CFTR: variants seen among roughly 807,000 people sequenced by gnomAD.
The protein encoded by CFTR is cystic fibrosis transmembrane conductance regulator.
CFTR carries 181 observed loss-of-function variants against 171.6 expected under a neutral mutation model. The observed-to-expected ratio is 1.05, with a 90% CI of 0.93 to 1.19. The LOEUF (loss-of-function observed/expected upper bound fraction) is 1.19. CFTR is among the 50% of genes most tolerant of loss of function. The pLI, the probability that CFTR is intolerant of heterozygous loss-of-function variation, is 0.00. For synonymous variants in CFTR, 583 were observed against 608.0 expected (o/e 0.96, Z 0.60); for missense variants, 1,968 against 1,734.7 (o/e 1.13, Z -2.39).
intron 22 of CFTR, among the ~76,000 whole-genome samples, chr7:117,637,968 T>C (rs1052909329): frequency 6.6e-6 from 1 of 152,176 alleles, no homozygotes; most frequent in Non-Finnish European, 1.5e-5. Context: ...AAGCATCCTA[T>C]AGGCAAAATT....
At chr7:117,547,760 A>G (rs1217849408) in intron 9 of CFTR, among the ~76,000 whole-genome samples, 1 of 152,160 alleles carries the variant, frequency 6.6e-6, no homozygotes, top group Admixed American at 6.5e-5. Context: ...CAGAAAGTGC[A>G]ACGTAGTGAG....
At chr7:117,537,098 AT>A (rs1394853882) in intron 7 of CFTR, among the ~76,000 whole-genome samples, 3 of 152,164 alleles carry the variant, frequency 2.0e-5, no homozygotes, top group Non-Finnish European at 2.9e-5. Flanking sequence ...CATGAAAAAA[AT>A]TGTATTTGGT....
At chr7:117,650,178 T>C (rs980404168) in intron 23 of CFTR, among the ~76,000 whole-genome samples, 4 of 152,162 alleles carry the variant, frequency 2.6e-5, no homozygotes, top group Non-Finnish European at 5.9e-5. Flanking sequence ...ATTTCTGTTG[T>C]AGTGAATTGC....
At chr7:117,514,105 G>A (rs2237724) in intron 3 of CFTR, among the ~76,000 whole-genome samples, 35,753 of 152,064 alleles carry the variant, frequency 0.24, 4,491 homozygotes, top group East Asian at 0.42. Flanking sequence ...TTAATGATTT[G>A]ACTTTTGCTA....
At chr7:117,492,727 G>A (rs896299108) in intron 1 of CFTR, among the ~76,000 whole-genome samples, 6 of 151,940 alleles carry the variant, frequency 3.9e-5, no homozygotes, top group South Asian at 4.1e-4. Context: ...AACATGGGGC[G>A]TTGGCAGACA....
chr7:117,492,754 G>A (rs1409623163), intron 1 of CFTR, among the ~76,000 whole-genome samples: 1 of 151,980 alleles, frequency 6.6e-6, no homozygotes, highest in Non-Finnish European at 1.5e-5. Context: ...TACACATTTT[G>A]TGGTAAAGGC....
chr7:117,539,936 A>T (rs1230716992), intron 7 of CFTR, among the ~76,000 whole-genome samples, 164 bp from the exon 8 acceptor site: 2 of 152,102 alleles, frequency 1.3e-5, no homozygotes, highest in Non-Finnish European at 2.9e-5. Context: ...GCCCAGAGAG[A>T]TTAAATAACA....
At chr7:117,508,076 A>G (rs1798450046) in intron 2 of CFTR, among the ~76,000 whole-genome samples, 2 of 152,160 alleles carry the variant, frequency 1.3e-5, no homozygotes, top group Admixed American at 1.3e-4. Context: ...GCCCCGGCCT[A>G]TTACTCCTTT....
chr7:117,522,157 A>G (rs1456279082), intron 3 of CFTR, among the ~76,000 whole-genome samples: 1 of 152,156 alleles, frequency 6.6e-6, no homozygotes, highest in Non-Finnish European at 1.5e-5. Context: ...GAGCCCCTCT[A>G]CCCAGATGAT....
At chr7:117,540,836 G>C (rs576526437) in intron 8 of CFTR, among the ~76,000 whole-genome samples, 3 of 152,180 alleles carry the variant, frequency 2.0e-5, no homozygotes, top group Admixed American at 1.3e-4. Context: ...GGTTGCAAAT[G>C]GTGTCCCATA....
intron 3 of CFTR, among the ~76,000 whole-genome samples, chr7:117,522,038 A>G (rs1798692729): frequency 6.6e-6 from 1 of 152,198 alleles, no homozygotes; most frequent in Admixed American, 6.6e-5. Context: ...CTCCTAGAAG[A>G]TATAGGAGAC....
chr7:117,523,777 G>A (rs919410365), intron 3 of CFTR, among the ~76,000 whole-genome samples: 1 of 152,150 alleles, frequency 6.6e-6, no homozygotes, highest in South Asian at 2.1e-4. Flanking sequence ...CAGCAAATAA[G>A]TCTGTTGTGG....
chr7:117,519,857 G>T (rs1057085322), intron 3 of CFTR, among the ~76,000 whole-genome samples: 4 of 151,778 alleles, frequency 2.6e-5, no homozygotes, highest in East Asian at 1.9e-4. Flanking sequence ...ACTATAAAAG[G>T]TCCTTCAGTA....
chr7:117,531,279 C>A (rs1176393229), intron 4 of CFTR, among the ~76,000 whole-genome samples, 165 bp downstream of exon 4: 5 of 151,666 alleles, frequency 3.3e-5, no homozygotes, highest in African/African-American at 1.2e-4. Flanking sequence ...CTTAATTATC[C>A]TTGATAATTT....
chr7:117,632,638 A>T (rs567407951), intron 22 of CFTR, among the ~76,000 whole-genome samples: 41 of 152,256 alleles, frequency 2.7e-4, no homozygotes, highest in African/African-American at 8.9e-4. Context: ...GCAATGGTAA[A>T]AGACCAGTTG....
chr7:117,545,651 A>G lies in CFTR; in HGVS notation c.1210-2990A>G, dbSNP rs35889249. Among the ~76,000 whole-genome samples, 106 of 152,302 alleles carry G rather than the reference A, an allele frequency of 7.0e-4. 2 individuals are homozygous for G. The East Asian group carries it at 0.014, about 20-fold the overall frequency. ...CCTTGCTCCAAACCTGAGAGTAAGT[A>G]ACATTCCTATTAACATATTAGGAAG... is the stretch of plus-strand genomic sequence containing the variant. On this transcript the variant is annotated intron_variant, in intron 9 of 26. Transcript: ENST00000003084.
chr7:117,501,777 A>AAAAAAAAAAAAAAAAAAAAAAC (rs1798334726), intron 1 of CFTR, among the ~76,000 whole-genome samples: 3 of 135,738 alleles, frequency 2.2e-5, no homozygotes, highest in Non-Finnish European at 1.6e-5. Flanking sequence ...AAAAAGAAAC[A>AAAAAAAAAAAAAAAAAAAAAAC]AAAAAAAAAA....
chr7:117,514,952 G>T (rs898693786), intron 3 of CFTR, among the ~76,000 whole-genome samples: 6 of 151,880 alleles, frequency 4.0e-5, no homozygotes, highest in African/African-American at 1.4e-4. Context: ...CCATGTAAAT[G>T]TCTTTTGTGA....
In CFTR at chr7:117,568,066, G is replaced by A. The variant is rs1791631519; in HGVS notation, c.1584+8411G>A. Among the ~76,000 whole-genome samples the A allele has an allele frequency of 3.3e-5, 5 of 152,224 alleles. No individual in the cohort carries two copies. In the South Asian group the frequency reaches 1.0e-3, roughly 32 times the overall value. On this transcript the variant is annotated intron_variant, in intron 11 of 26. Coordinates refer to ENST00000003084, the MANE Select transcript of CFTR (RefSeq NM_000492.4). ...GCCAAGAGAGAACATTCATTGCATT[G>A]GGGAACTATAGTCACTTCTGTGTGG...
Sources: allele counts gnomAD v4.1 joint callset (sites outside exome capture counted in the v4.1 genomes callset), GRCh38; gene constraint gnomAD v4.1.1; transcripts MANE v1.5; gene names NCBI Gene and HGNC (gene_info 2026-07-23, HGNC 2026-07-21).